Variants in KCNH5 observed in about 807,000 individuals in gnomAD.
KCNH5 encodes voltage-gated delayed rectifier potassium channel KCNH5.
KCNH5 carries 46 observed loss-of-function variants against 96.1 expected under a neutral mutation model. That is an observed-to-expected ratio of 0.48 (90% CI 0.38 to 0.61). The LOEUF is 0.61. KCNH5 is among the 20% of genes least tolerant of loss of function. The probability of loss-of-function intolerance (pLI) is 0.00; values close to 1 mark genes in which losing one functional copy is unlikely to be tolerated. For missense variants in KCNH5, 907 were observed against 1,225.8 expected (o/e 0.74, Z 3.88); for synonymous variants, 439 against 449.8 (o/e 0.98, Z 0.30).
intron 8 of KCNH5, among the ~76,000 whole-genome samples, chr14:62,829,705 G>T (rs952482795): frequency 1.3e-5 from 2 of 152,142 alleles, no homozygotes; most frequent in South Asian, 2.1e-4. Context: ...GTCATGGGGG[G>T]ATCTGCCCTG....
At chr14:62,894,094 T>C (rs572830813) in intron 7 of KCNH5, among the ~76,000 whole-genome samples, 26 of 152,342 alleles carry the variant, frequency 1.7e-4, no homozygotes, top group East Asian at 5.8e-4. Context: ...CATTGTTTTT[T>C]AGACATAATA....
chr14:62,751,970 C>G (rs1007553729), intron 10 of KCNH5, among the ~76,000 whole-genome samples: 1 of 152,124 alleles, frequency 6.6e-6, no homozygotes, highest in African/African-American at 2.4e-5. Flanking sequence ...AACTAAACGC[C>G]CTTGAAATAA....
chr14:62,881,332 T>TC (rs1491470348), intron 7 of KCNH5, among the ~76,000 whole-genome samples: 10 of 152,074 alleles, frequency 6.6e-5, no homozygotes, highest in Non-Finnish European at 1.5e-4. Flanking sequence ...ATGTCTCACT[T>TC]CTTTTTTTTT....
chr14:62,745,619 G>T (rs1885360132), intron 10 of KCNH5, among the ~76,000 whole-genome samples: 1 of 152,140 alleles, frequency 6.6e-6, no homozygotes, highest in Admixed American at 6.5e-5. Context: ...TGTCTGTAAG[G>T]GGTTGGGAAA....
At chr14:63,021,491 C>T (rs79250610) in intron 1 of KCNH5, among the ~76,000 whole-genome samples, 7,261 of 152,228 alleles carry the variant, frequency 0.048, 197 homozygotes, top group East Asian at 0.061. Flanking sequence ...CATCAAAACA[C>T]TTAAGAATCA....
intron 7 of KCNH5, among the ~76,000 whole-genome samples, chr14:62,851,033 C>A (rs1406491924): frequency 6.6e-6 from 1 of 152,134 alleles, no homozygotes. Flanking sequence ...AACTTAAGAT[C>A]TTTAATATAC....
At chr14:62,741,124 C>T (rs1336638297) in intron 10 of KCNH5, among the ~76,000 whole-genome samples, 2 of 152,118 alleles carry the variant, frequency 1.3e-5, no homozygotes, top group Non-Finnish European at 2.9e-5. Flanking sequence ...AAAGAAGACT[C>T]ATAATGGAGT....
At chr14:62,767,288 A>G (rs1190150808) in intron 10 of KCNH5, among the ~76,000 whole-genome samples, 4 of 152,242 alleles carry the variant, frequency 2.6e-5, no homozygotes, top group Non-Finnish European at 5.9e-5. Context: ...AACTTAAAAC[A>G]GAACTACCAT....
intron 10 of KCNH5, among the ~76,000 whole-genome samples, chr14:62,742,141 A>G (rs1462154393): frequency 1.3e-5 from 2 of 152,140 alleles, no homozygotes; most frequent in Non-Finnish European, 2.9e-5. Context: ...GAAGCTTCGG[A>G]TAACTAACGT....
chr14:62,826,159 C>T (rs151140009), intron 8 of KCNH5, among the ~76,000 whole-genome samples: 5 of 151,972 alleles, frequency 3.3e-5, no homozygotes, highest in African/African-American at 1.2e-4. Context: ...GTTAAAGTGT[C>T]GTATTATTTT....
intron 8 of KCNH5, among the ~76,000 whole-genome samples, chr14:62,820,283 T>C (rs763865459): frequency 3.3e-5 from 5 of 152,142 alleles, no homozygotes; most frequent in Non-Finnish European, 5.9e-5. Flanking sequence ...AACCTCTATC[T>C]TCATGTGGTT....
chr14:63,031,419 A>G (rs1402494392), intron 1 of KCNH5, among the ~76,000 whole-genome samples: 1 of 152,148 alleles, frequency 6.6e-6, no homozygotes, highest in Non-Finnish European at 1.5e-5. Context: ...TCAGTCAATA[A>G]AGGCAATATA....
intron 7 of KCNH5, among the ~76,000 whole-genome samples, chr14:62,930,296 A>T (rs1889556176): frequency 6.6e-6 from 1 of 152,106 alleles, no homozygotes; most frequent in African/African-American, 2.4e-5. Context: ...GATGATTTTC[A>T]TTAGTCAGCT....
At chr14:63,039,717 C>T (rs780750101) in intron 1 of KCNH5, among the ~76,000 whole-genome samples, 196 of 152,120 alleles carry the variant, frequency 1.3e-3, no homozygotes, top group Non-Finnish European at 2.0e-3. Context: ...GTATCACTTT[C>T]GTGTAGTTAT....
chr14:62,761,113 G>T (rs1885738507), intron 10 of KCNH5, among the ~76,000 whole-genome samples: 1 of 152,082 alleles, frequency 6.6e-6, no homozygotes, highest in Non-Finnish European at 1.5e-5. Flanking sequence ...CCAGCCCTTT[G>T]GGAGGCCAAG....
At chr14:62,864,791 T>C (rs1203436883) in intron 7 of KCNH5, among the ~76,000 whole-genome samples, 2 of 152,236 alleles carry the variant, frequency 1.3e-5, no homozygotes, top group Non-Finnish European at 2.9e-5. Context: ...AGACACCATT[T>C]TTCATGCTTG....
At chr14:62,947,154 A>G (rs1374138415) in intron 7 of KCNH5, among the ~76,000 whole-genome samples, 1 of 152,160 alleles carries the variant, frequency 6.6e-6, no homozygotes, top group Non-Finnish European at 1.5e-5. Flanking sequence ...CTATTTTTGC[A>G]ACTTCCAATG....
chr14:62,907,587 TG>T (rs2140097748), intron 7 of KCNH5, among the ~76,000 whole-genome samples: 1 of 152,318 alleles, frequency 6.6e-6, no homozygotes, highest in East Asian at 1.9e-4. Flanking sequence ...AACCAAGCAC[TG>T]CAATCCACAA....
chr14:62,766,829 G>GT (rs1885871662), intron 10 of KCNH5, among the ~76,000 whole-genome samples: 1 of 152,066 alleles, frequency 6.6e-6, no homozygotes, highest in Non-Finnish European at 1.5e-5. Flanking sequence ...CTAAAAGAGT[G>GT]TAACTGGATT....
Sources: gnomAD v4.1 joint callset for allele counts (sites outside exome capture counted in the v4.1 genomes callset) on GRCh38, gnomAD v4.1.1 for gene constraint, MANE v1.5 for transcripts, NCBI Gene and HGNC (gene_info 2026-07-23, HGNC 2026-07-21) for gene names.